ALK: variants seen among roughly 807,000 people sequenced by gnomAD.
ALK encodes the protein ALK receptor tyrosine kinase.
Under a neutral mutation model 163.1 loss-of-function variants are expected in ALK, and 74 were observed. The ratio of observed to expected loss-of-function variants is 0.45; its 90% CI spans 0.38 to 0.55. The LOEUF is 0.55. ALK is among the 20% of genes least tolerant of loss of function. The pLI, the probability that ALK is intolerant of heterozygous loss-of-function variation, is 0.00. For synonymous variants in ALK, 960 were observed against 843.2 expected (o/e 1.14, Z -2.40); for missense variants, 2,063 against 2,105.3 (o/e 0.98, Z 0.39).
intron 3 of ALK, among the ~76,000 whole-genome samples, chr2:29,656,049 CAG>C (rs1677175431): frequency 6.6e-6 from 1 of 152,110 alleles, no homozygotes; most frequent in South Asian, 2.1e-4. Flanking sequence ...TTTAAATAAA[CAG>C]AGGAGACACT....
rs2148170945 is a variant in ALK at position 29,223,438 on chromosome 2, A to G, written c.3263T>C (p.Ile1088Thr). The stretch of plus-strand genomic sequence containing the variant: ...GTAGTTGGGGTTGTAGTCGGTCATG[A>G]TGGTCGAGGTGCGGAGCTTGCTCAG... ...YKLSKLRTSTIMTDYNPNYCF... is the reference protein window; with the variant it reads ...YKLSKLRTSTTMTDYNPNYCF... Residue 1088 changes from isoleucine to threonine, a missense_variant, in exon 20 of 29, where the codon ATC (isoleucine) becomes ACC (threonine). By Grantham distance (89) the Ile-to-Thr change is moderately conservative. Transcript: ENST00000389048. The G allele has an allele frequency of 6.2e-7, 1 of 1,614,146 alleles. No homozygotes were observed. The highest frequency in any genetic ancestry group is 1.1e-5 in the South Asian group (1 of 91,078).
At chr2:29,212,950 C>T (rs1295209664) in intron 24 of ALK, among the ~76,000 whole-genome samples, 2 of 152,206 alleles carry the variant, frequency 1.3e-5, no homozygotes, top group Non-Finnish European at 2.9e-5. Context: ...TGTGATTCTC[C>T]CGCCTCAGCC....
chr2:29,349,502 G>C (rs1404547312), intron 5 of ALK, among the ~76,000 whole-genome samples: 1 of 152,188 alleles, frequency 6.6e-6, no homozygotes, highest in African/African-American at 2.4e-5. Context: ...ATGGCGGTAG[G>C]GGGCAATGGC....
intron 11 of ALK, among the ~76,000 whole-genome samples, chr2:29,274,251 G>C (rs1489048431): frequency 6.6e-6 from 1 of 152,208 alleles, no homozygotes; most frequent in African/African-American, 2.4e-5. Context: ...TGCCAAAAAA[G>C]GATTTCACAT....
rs145014067 is a variant in ALK at position 29,883,888 on chromosome 2, T to C, written c.667+36105A>G. On this transcript the variant is annotated intron_variant, in intron 1 of 28. Transcript: ENST00000389048. ...AAAAAATAAGAAAAAGTTATGTATG[T>C]TATGAATCATAAAATATATGTAGAT... Among the ~76,000 whole-genome samples, 45 of 152,336 alleles carry C rather than the reference T, an allele frequency of 3.0e-4. No homozygotes were observed. In the East Asian group the frequency reaches 7.9e-3, roughly 27 times the overall value.
chr2:29,662,736 C>T (rs572306960), intron 3 of ALK, among the ~76,000 whole-genome samples: 297 of 150,612 alleles, frequency 2.0e-3, no homozygotes, highest in African/African-American at 7.0e-3. Context: ...GTTTTTTTTG[C>T]GTAAATATGG....
intron 3 of ALK, among the ~76,000 whole-genome samples, chr2:29,570,422 C>T (rs916158632): frequency 1.3e-5 from 2 of 152,082 alleles, no homozygotes; most frequent in Admixed American, 6.6e-5. Context: ...CAGGTAGGAC[C>T]GACAGTGCTC....
At chr2:29,546,678 G>A (rs1303779156) in intron 3 of ALK, among the ~76,000 whole-genome samples, 2 of 152,176 alleles carry the variant, frequency 1.3e-5, no homozygotes, top group African/African-American at 4.8e-5. Context: ...TTTGCTTTAA[G>A]TCCCAGATGT....
At chr2:29,719,740 C>A (rs1679371432) in intron 1 of ALK, among the ~76,000 whole-genome samples, 1 of 152,124 alleles carries the variant, frequency 6.6e-6, no homozygotes, top group Admixed American at 6.5e-5. Context: ...TCAACTGACA[C>A]TGAAGTCCAA....
At chr2:29,633,409 G>C (rs937282670) in intron 3 of ALK, among the ~76,000 whole-genome samples, 8 of 152,036 alleles carry the variant, frequency 5.3e-5, no homozygotes, top group Non-Finnish European at 5.9e-5. Flanking sequence ...AAATTTGTGG[G>C]ACACAGTTAA....
chr2:29,193,155 G>A lies in ALK; in HGVS notation c.*69C>T, dbSNP rs1033678538. ...GACATTTGGTCTCTGGTTTGTGAAG[G>A]AGCCATTGCCTCTCTCTCCTCCACG... On this transcript the variant is annotated 3_prime_UTR_variant, in exon 29 of 29. Transcript: ENST00000389048. 6.0e-6 allele frequency: 8 copies of A among 1,327,872 alleles called. No homozygotes were observed. Among genetic ancestry groups the A allele is most frequent in the African/African-American group, 1.5e-5 (1 of 67,558 alleles). The allele number at this position is 1,327,872 out of a possible 1,614,324, so 82.3% of individuals were successfully genotyped here.
intron 4 of ALK, among the ~76,000 whole-genome samples, chr2:29,472,758 A>C (rs911307697): frequency 2.0e-5 from 3 of 152,246 alleles, no homozygotes; most frequent in Non-Finnish European, 4.4e-5. Flanking sequence ...ATCTTTAAAA[A>C]TAACTTTTAT....
At chr2:29,561,747 C>T (rs1247299067) in intron 3 of ALK, among the ~76,000 whole-genome samples, 7 of 152,094 alleles carry the variant, frequency 4.6e-5, no homozygotes, top group Admixed American at 2.6e-4. Context: ...TTTAGAGGAG[C>T]GAGGTTGTTA....
intron 3 of ALK, among the ~76,000 whole-genome samples, chr2:29,587,038 C>T (rs2148203392): frequency 6.6e-6 from 1 of 152,322 alleles, no homozygotes; most frequent in Admixed American, 6.5e-5. Context: ...GCCTGAATCA[C>T]TTCCACCAAC....
At chr2:29,803,457 T>C (rs1664534946) in intron 1 of ALK, among the ~76,000 whole-genome samples, 1 of 152,236 alleles carries the variant, frequency 6.6e-6, no homozygotes, top group Non-Finnish European at 1.5e-5. Flanking sequence ...AAGTCCACTC[T>C]CACGCTTGGG....
At chr2:29,891,619 G>C (rs1160321177) in intron 1 of ALK, among the ~76,000 whole-genome samples, 2 of 152,080 alleles carry the variant, frequency 1.3e-5, no homozygotes, top group Non-Finnish European at 2.9e-5. Context: ...ATAGTTCTGG[G>C]GAGAACCATA....
At chr2:29,450,709 A>G (rs1362769247) in intron 4 of ALK, among the ~76,000 whole-genome samples, 4 of 152,186 alleles carry the variant, frequency 2.6e-5, no homozygotes, top group Non-Finnish European at 5.9e-5. Flanking sequence ...AGGCATAATG[A>G]GAGAGGAACA....
At chr2:29,783,394 G>A (rs1281246637) in intron 1 of ALK, among the ~76,000 whole-genome samples, 1 of 152,118 alleles carries the variant, frequency 6.6e-6, no homozygotes, top group East Asian at 1.9e-4. Context: ...CACATCCACA[G>A]GTGGCTCCCA....
intron 3 of ALK, among the ~76,000 whole-genome samples, chr2:29,628,550 T>C (rs945937992): frequency 6.6e-6 from 1 of 152,174 alleles, no homozygotes; most frequent in African/African-American, 2.4e-5. Flanking sequence ...AGTATTATAC[T>C]CTACTCATTT....
Sources: allele counts gnomAD v4.1 joint callset (sites outside exome capture counted in the v4.1 genomes callset), GRCh38; gene constraint gnomAD v4.1.1; transcripts MANE v1.5; gene names NCBI Gene and HGNC (gene_info 2026-07-23, HGNC 2026-07-21).